Variants in ATP8B4 observed in about 807,000 individuals in gnomAD.
ATP8B4 encodes the protein probable phospholipid-transporting ATPase IM.
In ATP8B4, 133 loss-of-function variants were observed where a neutral mutation model predicts 145.6. That is an observed-to-expected ratio of 0.91 (90% CI 0.79 to 1.05). The LOEUF is 1.05. Among genes scored for constraint, ATP8B4 ranks in the 50% least tolerant of loss-of-function variants. ATP8B4 has a pLI of 0.00. For synonymous variants in ATP8B4, 507 were observed against 492.9 expected (o/e 1.03, Z -0.38); for missense variants, 1,458 against 1,425.2 (o/e 1.02, Z -0.37).
intron 2 of ATP8B4, among the ~76,000 whole-genome samples, chr15:50,096,540 G>A (rs149284415): frequency 6.6e-6 from 1 of 152,168 alleles, no homozygotes; most frequent in East Asian, 1.9e-4. Context: ...AGTGTATCCT[G>A]TCCGAGAAAA....
intron 1 of ATP8B4, among the ~76,000 whole-genome samples, chr15:50,138,782 C>A (rs187522656): frequency 6.6e-6 from 1 of 152,312 alleles, no homozygotes; most frequent in Admixed American, 6.5e-5. Flanking sequence ...TTCTCTTATA[C>A]CCATACAACC....
In ATP8B4 at chr15:49,875,190, T is replaced by G. The variant is rs139337198; in HGVS notation, c.3027+1088A>C. On this transcript the variant is annotated intron_variant, in intron 25 of 27. Coordinates refer to ENST00000284509, the MANE Select transcript of ATP8B4 (RefSeq NM_024837.4). The stretch of plus-strand genomic sequence containing the variant: ...ACTCTTCCAGGTAATTTATTACCCT[T>G]ACTTATAAACAGATCATGTTAACAG... Among the ~76,000 whole-genome samples, 180 of 152,360 alleles carry G rather than the reference T, an allele frequency of 1.2e-3. 4 individuals carry two copies. In the East Asian group the frequency reaches 0.029, roughly 25 times the overall value.
At position 49,876,291 on chromosome 15, in the gene ATP8B4, A is replaced by G. The variant is rs753988142; in HGVS notation, c.3014T>C (p.Val1005Ala). 7 of 1,614,108 alleles carry G rather than the reference A, an allele frequency of 4.3e-6. No individual in the cohort carries two copies. The highest frequency in any genetic ancestry group is 5.9e-6 in the Non-Finnish European group (7 of 1,179,962). Residue 1005 changes from valine (V) to alanine (A), a missense_variant, in exon 25 of 28, where the codon GTG (valine) becomes GCG (alanine). By Grantham distance (64) the Val-to-Ala change is moderately conservative. Transcript: ENST00000284509. ...CGACAGCGTTACCTGCACACTGACC[A>G]CAATGACCAAAGATGTGGCCATGGT... ...AVTMATSLVIVVSVQIALDTS... is the reference protein window; with the variant it reads ...AVTMATSLVIAVSVQIALDTS...
intron 2 of ATP8B4, among the ~76,000 whole-genome samples, chr15:50,093,915 A>T (rs2153657766): frequency 6.6e-6 from 1 of 152,328 alleles, no homozygotes; most frequent in South Asian, 2.1e-4. Context: ...GTAACAAAAG[A>T]TTGATCTTCC....
At chr15:50,156,302 G>T (rs1354256833) in intron 1 of ATP8B4, among the ~76,000 whole-genome samples, 1 of 151,536 alleles carries the variant, frequency 6.6e-6, no homozygotes, top group Admixed American at 6.6e-5. Flanking sequence ...TGCTCTGAGA[G>T]CCTAACTTTT....
intron 13 of ATP8B4, among the ~76,000 whole-genome samples, chr15:49,969,598 C>G (rs377157873): frequency 1.3e-5 from 2 of 152,188 alleles, no homozygotes; most frequent in East Asian, 3.9e-4. Flanking sequence ...CTGAATAGAC[C>G]AATAACAAGT....
At chr15:50,006,397 G>A in intron 7 of ATP8B4, among the ~76,000 whole-genome samples, 1 of 147,264 alleles carries the variant, frequency 6.8e-6, no homozygotes, top group Admixed American at 6.9e-5. Flanking sequence ...GAAAGATAGA[G>A]ATGGTTTACT....
chr15:49,888,383 T>C (rs905559907), intron 23 of ATP8B4, among the ~76,000 whole-genome samples: 6 of 152,180 alleles, frequency 3.9e-5, no homozygotes, highest in Admixed American at 6.5e-5. Context: ...CTAAAGTTTT[T>C]CCAGCCTTGA....
In ATP8B4 at chr15:49,897,489, C is replaced by T. The variant is rs199647099; in HGVS notation, c.2500G>A (p.Gly834Ser). The T allele has an allele frequency of 8.9e-6, 14 of 1,571,224 alleles. No individual in the cohort carries two copies. The highest frequency in any genetic ancestry group is 4.1e-5 in the African/African-American group (3 of 73,554). ...KSAHIGVGIS[G>S]QEGLQAVLAS... Reference sequence around the variant, plus strand: ...AAGACTGCTTGCAATCCTTCCTGGCCGCTGATGCCAACACCAATGTGAGCA... The same window carrying T: ...AAGACTGCTTGCAATCCTTCCTGGCTGCTGATGCCAACACCAATGTGAGCA... The change falls in exon 23 of 28, where the codon GGC becomes AGC. Residue 834 changes from glycine to serine, a missense_variant. By Grantham distance (56) the Gly-to-Ser change is moderately conservative (BLOSUM62 0). Transcript: ENST00000284509.
intron 13 of ATP8B4, among the ~76,000 whole-genome samples, chr15:49,966,459 G>A (rs1951513602): frequency 6.6e-6 from 1 of 152,200 alleles, no homozygotes; most frequent in African/African-American, 2.4e-5. Flanking sequence ...CATTACGGAG[G>A]CTTGAGTAGG....
chr15:50,086,922 TAAAA>T (rs2055174034), intron 2 of ATP8B4, among the ~76,000 whole-genome samples: 1 of 97,328 alleles, frequency 1.0e-5, no homozygotes, highest in African/African-American at 4.5e-5. Flanking sequence ...TTATATATAA[TAAAA>T]TAATATAGAG....
At chr15:49,914,994 G>A (rs1180039056) in intron 20 of ATP8B4, among the ~76,000 whole-genome samples, 1 of 151,834 alleles carries the variant, frequency 6.6e-6, no homozygotes. Context: ...TATATCAAAG[G>A]GATATCTGCA....
chr15:49,888,593 G>T (rs960777833), intron 23 of ATP8B4, among the ~76,000 whole-genome samples: 4 of 152,130 alleles, frequency 2.6e-5, no homozygotes, highest in Non-Finnish European at 5.9e-5. Context: ...CTTGGTAGGG[G>T]ACAGTTCCTC....
intron 20 of ATP8B4, among the ~76,000 whole-genome samples, chr15:49,902,896 C>T (rs1422377134): frequency 6.6e-6 from 1 of 152,208 alleles, no homozygotes; most frequent in Non-Finnish European, 1.5e-5. Flanking sequence ...GAGTAAAGTT[C>T]TCACTCGCTG....
In ATP8B4 at chr15:49,912,229, T is replaced by C. The variant is rs575648271; in HGVS notation, c.2141+4705A>G. ...TAAAAAATACAAAGGATCAATGAAA[T>C]GAAAACTTGGTTTTTTTGAAAAGAT... On this transcript the variant is annotated intron_variant, in intron 20 of 27. Transcript: ENST00000284509. Among the ~76,000 whole-genome samples the C allele has an allele frequency of 2.4e-4, 37 of 151,972 alleles. No individual in the cohort carries two copies. In the South Asian group the frequency reaches 7.3e-3, roughly 30 times the overall value.
At chr15:49,910,232 T>C (rs973599551) in intron 20 of ATP8B4, among the ~76,000 whole-genome samples, 6 of 151,960 alleles carry the variant, frequency 3.9e-5, no homozygotes, top group African/African-American at 9.7e-5. Flanking sequence ...GTTTTGACAA[T>C]AGACTAGATC....
At chr15:49,901,289 C>T (rs1303079387) in intron 20 of ATP8B4, 50 bp from the exon 21 acceptor site, 2 of 1,548,436 alleles carry the variant, frequency 1.3e-6, no homozygotes, top group Non-Finnish European at 1.8e-6. Flanking sequence ...ACAGAGCATG[C>T]CTACTAATTC....
At chr15:50,166,176 T>G (rs1224379390) in intron 1 of ATP8B4, among the ~76,000 whole-genome samples, 1 of 151,984 alleles carries the variant, frequency 6.6e-6, no homozygotes, top group Admixed American at 6.6e-5. Flanking sequence ...CTATACTCAG[T>G]GAAAATACTA....
intron 6 of ATP8B4, among the ~76,000 whole-genome samples, chr15:50,020,054 C>T (rs2049415709): frequency 6.6e-6 from 1 of 151,870 alleles, no homozygotes; most frequent in South Asian, 2.1e-4. Flanking sequence ...AATTTCCAGG[C>T]ATCAATCCTC....
Sources: gnomAD v4.1 joint callset for allele counts (sites outside exome capture counted in the v4.1 genomes callset) on GRCh38, gnomAD v4.1.1 for gene constraint, MANE v1.5 for transcripts, NCBI Gene and HGNC (gene_info 2026-07-23, HGNC 2026-07-21) for gene names.